Variants in SUCLG2 observed in about 807,000 individuals in gnomAD.
SUCLG2 encodes the protein succinate--CoA ligase [GDP-forming] subunit beta, mitochondrial.
Under a neutral mutation model 47.9 loss-of-function variants are expected in SUCLG2, and 42 were observed. That is an observed-to-expected ratio of 0.88 (90% confidence interval 0.69 to 1.14). The LOEUF (loss-of-function observed/expected upper bound fraction) is 1.14, where lower values mean the gene tolerates loss of function less well. Among genes scored for constraint, SUCLG2 ranks in the 50% most tolerant of loss-of-function variants. The probability of loss-of-function intolerance (pLI) is 0.00; values close to 1 mark genes in which losing one functional copy is unlikely to be tolerated. For missense variants in SUCLG2, 571 were observed against 525.9 expected, an observed-to-expected ratio of 1.09 and a Z score of -0.84; for synonymous variants, 195 against 197.3, an observed-to-expected ratio of 0.99 and a Z score of 0.10.
chr3:67,410,943 C>T (rs1702920258), intron 9 of SUCLG2, among the ~76,000 whole-genome samples: 1 of 152,096 alleles, frequency 6.6e-6, no homozygotes, highest in Admixed American at 6.5e-5. Context: ...TATTTATTGG[C>T]ACATTCTTTC....
At chr3:67,393,636 T>A (rs1019783879) in intron 10 of SUCLG2, among the ~76,000 whole-genome samples, 203 of 152,158 alleles carry the variant, frequency 1.3e-3, no homozygotes, top group Non-Finnish European at 2.4e-3. Flanking sequence ...CTGCAGACTT[T>A]AATGTCCCTG....
chr3:67,613,757 C>G (rs183486043), intron 1 of SUCLG2, among the ~76,000 whole-genome samples: 5 of 152,312 alleles, frequency 3.3e-5, no homozygotes, highest in African/African-American at 1.2e-4. Flanking sequence ...ACGGGCTGAA[C>G]TTGCCCAAGA....
At chr3:67,507,448 T>C (rs1469910099) in intron 7 of SUCLG2, among the ~76,000 whole-genome samples, 1 of 151,994 alleles carries the variant, frequency 6.6e-6, no homozygotes, top group Non-Finnish European at 1.5e-5. Context: ...ACTGCATGCA[T>C]ACTCATATAT....
chr3:67,572,873 A>C (rs1707651518), intron 2 of SUCLG2, among the ~76,000 whole-genome samples: 1 of 152,200 alleles, frequency 6.6e-6, no homozygotes, highest in Admixed American at 6.5e-5. Flanking sequence ...ACAAAAAGAC[A>C]TAACATGGCC....
intron 10 of SUCLG2, among the ~76,000 whole-genome samples, chr3:67,389,299 G>C (rs1404068998): frequency 1.3e-5 from 2 of 152,150 alleles, no homozygotes; most frequent in Admixed American, 1.3e-4. Context: ...GCGTGGGAGA[G>C]GATCAGAGAT....
chr3:67,584,717 A>C (rs1164751156), intron 2 of SUCLG2, among the ~76,000 whole-genome samples: 2 of 152,202 alleles, frequency 1.3e-5, no homozygotes, highest in African/African-American at 4.8e-5. Context: ...ACAGTTCCAC[A>C]TGGCTGGGGA....
chr3:67,600,336 C>T (rs1708391084), intron 2 of SUCLG2, among the ~76,000 whole-genome samples: 1 of 151,790 alleles, frequency 6.6e-6, no homozygotes, highest in African/African-American at 2.4e-5. Context: ...CAGTTCAATC[C>T]AAAAAAAGAA....
intron 9 of SUCLG2, among the ~76,000 whole-genome samples, chr3:67,411,462 G>C (rs1702930740): frequency 6.6e-6 from 1 of 152,076 alleles, no homozygotes; most frequent in Non-Finnish European, 1.5e-5. Flanking sequence ...GGTTGACAAA[G>C]ATTCATATCA....
intron 9 of SUCLG2, among the ~76,000 whole-genome samples, chr3:67,469,418 G>A (rs1312191965): frequency 1.3e-5 from 2 of 152,166 alleles, no homozygotes; most frequent in Non-Finnish European, 2.9e-5. Context: ...GAAGTTCTTA[G>A]CTATACTTTA....
chr3:67,466,495 GGC>G, intron 9 of SUCLG2, among the ~76,000 whole-genome samples: 1 of 152,288 alleles, frequency 6.6e-6, no homozygotes, highest in South Asian at 2.1e-4. Flanking sequence ...CTATCTAACT[GGC>G]TTTGTAGCTT....
chr3:67,457,826 G>T (rs1704226947), intron 9 of SUCLG2, among the ~76,000 whole-genome samples: 1 of 151,286 alleles, frequency 6.6e-6, no homozygotes, highest in Non-Finnish European at 1.5e-5. Context: ...GCTTGGGATA[G>T]TCCATTACAA....
rs1708245561 is a variant in SUCLG2 at position 67,594,311 on chromosome 3, A to G, written c.226+15144T>C. 2.0e-5 allele frequency among the ~76,000 whole-genome samples: 3 copies of G among 152,220 alleles called. 1 individual carries two copies. In the South Asian group the frequency reaches 6.2e-4, roughly 32 times the overall value. ...TATACTTAGCTGAGCACAAAGCCTTATATGATCTGGGCTCCAACCCATTTG... is the reference window on the plus strand; with the variant it reads ...TATACTTAGCTGAGCACAAAGCCTTGTATGATCTGGGCTCCAACCCATTTG... On this transcript the variant is annotated intron_variant, in intron 2 of 10. Coordinates refer to ENST00000307227, the MANE Select transcript of SUCLG2 (RefSeq NM_003848.4).
intron 9 of SUCLG2, among the ~76,000 whole-genome samples, chr3:67,446,677 C>G (rs1487210467): frequency 6.6e-6 from 1 of 151,486 alleles, no homozygotes; most frequent in Non-Finnish European, 1.5e-5. Context: ...TGTGATGTGC[C>G]CGCCTCGGCC....
intron 7 of SUCLG2, among the ~76,000 whole-genome samples, chr3:67,502,919 T>C (rs1705537517): frequency 6.6e-6 from 1 of 152,212 alleles, no homozygotes; most frequent in Non-Finnish European, 1.5e-5. Context: ...AATAGGCTGT[T>C]GGTGACTCTC....
At chr3:67,520,403 C>G in intron 5 of SUCLG2, 79 bp downstream of exon 5, 1 of 1,594,422 alleles carries the variant, frequency 6.3e-7, no homozygotes, top group Non-Finnish European at 8.6e-7. Flanking sequence ...TGCTCCTGGC[C>G]TTAGACTCCC....
At chr3:67,579,915 A>G (rs1302959425) in intron 2 of SUCLG2, among the ~76,000 whole-genome samples, 2 of 152,224 alleles carry the variant, frequency 1.3e-5, no homozygotes, top group Non-Finnish European at 2.9e-5. Flanking sequence ...AAACAGAAAG[A>G]CACATTATTA....
chr3:67,395,721 T>C (rs956932803), intron 10 of SUCLG2, among the ~76,000 whole-genome samples: 6 of 152,214 alleles, frequency 3.9e-5, no homozygotes, highest in Admixed American at 3.3e-4. Flanking sequence ...AATATACATT[T>C]TTTTCAGCAC....
chr3:67,592,736 A>AAAAAAAAAAAT, intron 2 of SUCLG2, among the ~76,000 whole-genome samples: 1 of 61,138 alleles, frequency 1.6e-5, no homozygotes, highest in South Asian at 4.2e-4. Context: ...AAAAAAAAAA[A>AAAAAAAAAAAT]CAACAAAAAA....
chr3:67,377,291 A>C (rs1358876976), intron 10 of SUCLG2, among the ~76,000 whole-genome samples: 1 of 152,248 alleles, frequency 6.6e-6, no homozygotes, highest in Non-Finnish European at 1.5e-5. Flanking sequence ...CTACTTGAAA[A>C]ATGAGGACAG....
Sources: allele counts gnomAD v4.1 joint callset (sites outside exome capture counted in the v4.1 genomes callset), GRCh38; gene constraint gnomAD v4.1.1; transcripts MANE v1.5; gene names NCBI Gene and HGNC (gene_info 2026-07-23, HGNC 2026-07-21).